Variants in SPAG17 observed in about 807,000 individuals in gnomAD.
SPAG17 encodes the protein sperm-associated antigen 17.
In SPAG17, 169 loss-of-function variants were observed where a neutral mutation model predicts 273.6. The observed-to-expected ratio is 0.62, with a 90% CI of 0.55 to 0.70. The LOEUF (loss-of-function observed/expected upper bound fraction) is 0.70, where lower values mean the gene tolerates loss of function less well. Ranked by LOEUF, SPAG17 falls within the 30% of genes least tolerant of loss-of-function variation. The probability of loss-of-function intolerance (pLI) is 0.00; values close to 1 mark genes in which losing one functional copy is unlikely to be tolerated. For synonymous variants in SPAG17, 825 were observed against 873.2 expected, an observed-to-expected ratio of 0.94 and a Z score of 0.97; for missense variants, 2,557 against 2,627.8, an observed-to-expected ratio of 0.97 and a Z score of 0.59.
chr1:118,032,145 A>G (rs1416243612), intron 24 of SPAG17, among the ~76,000 whole-genome samples: 2 of 152,178 alleles, frequency 1.3e-5, no homozygotes, highest in African/African-American at 4.8e-5. Flanking sequence ...CTCCTTAATG[A>G]TAGGGCATTA....
intron 3 of SPAG17, among the ~76,000 whole-genome samples, chr1:118,149,586 C>T (rs112748716): frequency 0.012 from 1,801 of 152,228 alleles, 33 homozygotes; most frequent in African/African-American, 0.035. Flanking sequence ...GTGAGCGCCG[C>T]GTAGCAAGAG....
At chr1:118,037,617 CTG>C (rs1649236981) in intron 23 of SPAG17, among the ~76,000 whole-genome samples, 1 of 152,086 alleles carries the variant, frequency 6.6e-6, no homozygotes, top group African/African-American at 2.4e-5. Context: ...TTTTCTGTTC[CTG>C]TGTTAGTTCG....
chr1:118,173,410 C>T (rs1422331519), intron 1 of SPAG17, among the ~76,000 whole-genome samples: 1 of 152,060 alleles, frequency 6.6e-6, no homozygotes, highest in Non-Finnish European at 1.5e-5. Context: ...GCCCAAGGGA[C>T]TGTTTTATGT....
intron 1 of SPAG17, among the ~76,000 whole-genome samples, chr1:118,171,650 C>T (rs774191608): frequency 7.9e-5 from 12 of 152,110 alleles, no homozygotes; most frequent in East Asian, 1.9e-4. Context: ...TGGTTTTAAG[C>T]GACACTTTAA....
At position 117,972,041 on chromosome 1, in the gene SPAG17, C is replaced by T. The variant is rs141929539; in HGVS notation, c.6148G>A (p.Asp2050Asn). ...GTGTTCACTTTTCCTCCAACAGAAT[C>T]TTGCACCTTTGCATTAAGAAAAAAT... is the stretch of plus-strand genomic sequence containing the variant. Reference protein sequence around the residue: ...PKSQPLAKVQDSVGGKVNTSS... With the variant: ...PKSQPLAKVQNSVGGKVNTSS... The change falls in exon 45 of 49, where the codon GAT (aspartate) becomes AAT (asparagine). Residue 2050 changes from aspartate to asparagine, a missense_variant. Asp to Asn is a conservative substitution (Grantham distance 23). Transcript: ENST00000336338. 62 of 1,610,358 alleles carry T rather than the reference C, an allele frequency of 3.9e-5. No individual in the cohort carries two copies. In the African/African-American group the frequency reaches 7.8e-4, roughly 20 times the overall value.
In SPAG17 at chr1:117,953,665, G is replaced by A; in HGVS notation, c.*385C>T. The A allele has an allele frequency of 1.1e-6, 1 of 871,168 alleles. No homozygotes were observed. 54.0% of individuals were successfully genotyped at this position (871,168 alleles called of 1,614,324 possible). A position where few individuals can be genotyped will look rare whatever the true frequency, so the allele number is the denominator to read the frequency against. On this transcript the variant is annotated 3_prime_UTR_variant, in exon 49 of 49. Transcript: ENST00000336338. The stretch of plus-strand genomic sequence containing the variant: ...AAAAAGTTGATGAGATTTAAAGATG[G>A]GGATTATAACCTGTTTCCTTCTCTT...
intron 25 of SPAG17, among the ~76,000 whole-genome samples, 179 bp from the exon 26 acceptor site, chr1:118,028,573 CA>C (rs1236851375): frequency 6.6e-6 from 1 of 152,116 alleles, no homozygotes; most frequent in Non-Finnish European, 1.5e-5. Context: ...TGCAGACTGG[CA>C]CATAGGTGAG....
intron 17 of SPAG17, among the ~76,000 whole-genome samples, chr1:118,068,519 T>C (rs1653217114): frequency 6.6e-6 from 1 of 152,198 alleles, no homozygotes. Flanking sequence ...CATATTGCTT[T>C]GGGGGTGCTA....
intron 1 of SPAG17, among the ~76,000 whole-genome samples, chr1:118,166,514 T>C (rs919206279): frequency 2.6e-5 from 4 of 152,216 alleles, no homozygotes; most frequent in Admixed American, 2.0e-4. Flanking sequence ...AAATAAATTA[T>C]ACAGTAAAAC....
At chr1:118,041,498 T>C (rs1649745830) in intron 21 of SPAG17, among the ~76,000 whole-genome samples, 1 of 152,050 alleles carries the variant, frequency 6.6e-6, no homozygotes, top group Admixed American at 6.6e-5. Context: ...AGCCAACTTT[T>C]GTGTTCACTT....
Position 117,991,505 on chromosome 1 carries a change from C to G in SPAG17, c.5385G>C (p.Lys1795Asn). ...TCATTTCCTGCAGCTCATCTTCTTT[C>G]TTTAGAATATAGTTTATGTAATCCT... The part of the protein sequence containing the change: ...SLKDYINYIL[K>N]KEDELQEMMV... The change falls in exon 37 of 49, where the codon AAG becomes AAC. Residue 1795 changes from lysine to asparagine, a missense_variant. Transcript: ENST00000336338. 6.2e-7 allele frequency: 1 copy of G among 1,609,092 alleles called. No individual in the cohort carries two copies. The highest frequency in any genetic ancestry group is 1.1e-5 in the South Asian group (1 of 90,846).
At chr1:118,159,897 T>C (rs1370723083) in intron 1 of SPAG17, among the ~76,000 whole-genome samples, 1 of 152,152 alleles carries the variant, frequency 6.6e-6, no homozygotes, top group Non-Finnish European at 1.5e-5. Flanking sequence ...AACAGTGGGC[T>C]GAAATTACGG....
intron 18 of SPAG17, among the ~76,000 whole-genome samples, chr1:118,058,754 A>G (rs1651969709): frequency 6.6e-6 from 1 of 152,216 alleles, no homozygotes; most frequent in Admixed American, 6.5e-5. Context: ...CCTGACATAT[A>G]AAATGATTGG....
At chr1:118,129,833 C>T (rs1162454316) in intron 3 of SPAG17, among the ~76,000 whole-genome samples, 1 of 151,738 alleles carries the variant, frequency 6.6e-6, no homozygotes, top group Non-Finnish European at 1.5e-5. Context: ...TCCTCTTCCT[C>T]TTCTTCTTCC....
At chr1:118,015,728 T>C (rs910854422) in intron 29 of SPAG17, among the ~76,000 whole-genome samples, 7 of 152,186 alleles carry the variant, frequency 4.6e-5, no homozygotes, top group Non-Finnish European at 1.0e-4. Context: ...TCTGACGTGG[T>C]TGTGCCCACA....
chr1:118,034,080 C>T (rs539512265), intron 24 of SPAG17, among the ~76,000 whole-genome samples: 7 of 152,236 alleles, frequency 4.6e-5, no homozygotes, highest in East Asian at 1.9e-4. Flanking sequence ...AAGTGAATGG[C>T]GTTCAGTTTC....
intron 3 of SPAG17, among the ~76,000 whole-genome samples, chr1:118,121,104 C>T (rs1004333491): frequency 6.6e-6 from 1 of 151,942 alleles, no homozygotes; most frequent in Non-Finnish European, 1.5e-5. Context: ...GGCTTCCCTG[C>T]CTGGAGTTGC....
intron 32 of SPAG17, among the ~76,000 whole-genome samples, chr1:118,005,208 A>T (rs1658750367): frequency 6.6e-6 from 1 of 152,180 alleles, no homozygotes; most frequent in Non-Finnish European, 1.5e-5. Context: ...CCCACCAATT[A>T]TTCGGCTTGC....
Position 118,150,576 on chromosome 1 carries a change from T to C in SPAG17, c.282A>G (p.Lys94=). 6.3e-7 allele frequency: 1 copy of C among 1,575,120 alleles called. No individual in the cohort carries two copies. Among genetic ancestry groups the C allele is most frequent in the African/African-American group, 1.3e-5 (1 of 74,266 alleles). Residue 94 remains lysine, a synonymous_variant, in exon 3 of 49, where the codon AAA becomes AAG. Transcript: ENST00000336338. Reference sequence around the variant, plus strand: ...ATAAAGGAGCATTACCACCTACAGGTTTTTTTGCCTTTTTAGATGAAGCAG... The same window carrying C: ...ATAAAGGAGCATTACCACCTACAGGCTTTTTTGCCTTTTTAGATGAAGCAG... ...VGSASSKKAK[K]PVGGNAPLYY...
Sources: allele counts gnomAD v4.1 joint callset (sites outside exome capture counted in the v4.1 genomes callset), GRCh38; gene constraint gnomAD v4.1.1; transcripts MANE v1.5; gene names NCBI Gene and HGNC (gene_info 2026-07-23, HGNC 2026-07-21).